Variants in SEC63 observed in about 807,000 individuals in gnomAD.
SEC63 encodes the protein translocation protein SEC63 homolog.
SEC63 carries 56 observed loss-of-function variants against 116.2 expected under a neutral mutation model. The observed-to-expected ratio is 0.48, with a 90% CI of 0.39 to 0.60. The LOEUF (loss-of-function observed/expected upper bound fraction) is 0.60. Ranked by LOEUF, SEC63 falls within the 20% of genes least tolerant of loss-of-function variation. SEC63 has a pLI of 0.00. For missense variants in SEC63, 668 were observed against 900.0 expected (o/e 0.74, Z 3.30); for synonymous variants, 273 against 294.6 (o/e 0.93, Z 0.75).
At chr6:107,890,157 T>C (rs940267609) in intron 16 of SEC63, among the ~76,000 whole-genome samples, 1 of 150,432 alleles carries the variant, frequency 6.6e-6, no homozygotes, top group African/African-American at 2.4e-5. Context: ...TGTCTAATAT[T>C]GACAGTGGGG....
At chr6:107,882,902 A>C in intron 17 of SEC63, 86 bp downstream of exon 17, 1 of 880,430 alleles carries the variant, frequency 1.1e-6, no homozygotes, top group Non-Finnish European at 1.8e-6. Context: ...GAGCAAGCAA[A>C]CAAATGAACA....
At chr6:107,955,010 T>C (rs1193570410) in intron 1 of SEC63, among the ~76,000 whole-genome samples, 1 of 152,226 alleles carries the variant, frequency 6.6e-6, no homozygotes, top group Non-Finnish European at 1.5e-5. Flanking sequence ...GAGAGCCGGA[T>C]GTAAAACGGG....
At chr6:107,904,173 A>G (rs1371483113) in intron 11 of SEC63, among the ~76,000 whole-genome samples, 1 of 151,124 alleles carries the variant, frequency 6.6e-6, no homozygotes, top group Non-Finnish European at 1.5e-5. Flanking sequence ...GGGCTTTGGG[A>G]GGCTGAGGCA....
intron 4 of SEC63, among the ~76,000 whole-genome samples, chr6:107,915,748 A>G (rs1787386496): frequency 6.6e-6 from 1 of 152,230 alleles, no homozygotes; most frequent in Non-Finnish European, 1.5e-5. Context: ...CAAAGCCTAT[A>G]TAACTGCATT....
chr6:107,936,322 G>A (rs995359329), intron 1 of SEC63, among the ~76,000 whole-genome samples: 1 of 152,198 alleles, frequency 6.6e-6, no homozygotes, highest in Non-Finnish European at 1.5e-5. Context: ...TAACATAGTA[G>A]CAGTTAGATT....
At position 107,898,735 on chromosome 6, in the gene SEC63, T is replaced by C. The variant is rs113192293; in HGVS notation, c.1358-1004A>G. 2.2e-3 allele frequency among the ~76,000 whole-genome samples: 334 copies of C among 152,294 alleles called. 3 individuals carry two copies. Among genetic ancestry groups the C allele is most frequent in the African/African-American group, 7.6e-3 (317 of 41,572 alleles). On this transcript the variant is annotated intron_variant, in intron 13 of 20. Transcript: ENST00000369002. ...AAATAAAAATAAAATAACTCAAATATACCTTCCATTCAAATGTGATCATTA... is the reference window on the plus strand; with the variant it reads ...AAATAAAAATAAAATAACTCAAATACACCTTCCATTCAAATGTGATCATTA...
chr6:107,946,567 G>A (rs910623429), intron 1 of SEC63, among the ~76,000 whole-genome samples: 8 of 152,202 alleles, frequency 5.3e-5, no homozygotes, highest in African/African-American at 1.9e-4. Context: ...ATGTTGTCCT[G>A]TAATTCCTAC....
At chr6:107,887,282 T>C (rs1786552895) in intron 16 of SEC63, among the ~76,000 whole-genome samples, 2 of 146,150 alleles carry the variant, frequency 1.4e-5, no homozygotes, top group Middle Eastern at 3.5e-3. Context: ...CATGCTGCTA[T>C]AAAGACACAT....
intron 1 of SEC63, among the ~76,000 whole-genome samples, chr6:107,933,363 C>T (rs1787853903): frequency 6.6e-6 from 1 of 152,172 alleles, no homozygotes; most frequent in Admixed American, 6.5e-5. Flanking sequence ...TAATTTGTTA[C>T]AGCAGCAACA....
At chr6:107,931,104 C>T (rs1036588170) in intron 1 of SEC63, among the ~76,000 whole-genome samples, 5 of 151,848 alleles carry the variant, frequency 3.3e-5, no homozygotes, top group South Asian at 2.1e-4. Flanking sequence ...CTGAGGCAGG[C>T]GGATCACGAG....
At chr6:107,957,696 G>A in intron 1 of SEC63, 190 bp downstream of exon 1, 2 of 431,270 alleles carry the variant, frequency 4.6e-6, no homozygotes, top group Non-Finnish European at 3.8e-6. Flanking sequence ...AATGAAGGGA[G>A]GTGGAGAAGC....
At chr6:107,946,129 G>A (rs958417459) in intron 1 of SEC63, among the ~76,000 whole-genome samples, 1 of 151,852 alleles carries the variant, frequency 6.6e-6, no homozygotes, top group South Asian at 2.1e-4. Context: ...TAAAGACGGG[G>A]TTTCACCATA....
At position 107,906,359 on chromosome 6, in the gene SEC63, CG is replaced by C; in HGVS notation, c.961+88del. On this transcript the variant is annotated intron_variant, in intron 10 of 20. Transcript: ENST00000369002. ...CCTCAGGTATTTCTTTAGAGCAATG[CG>C]AGAACAAACTAATACACACCATTAA... 4 of 1,396,236 alleles carry C rather than the reference CG, an allele frequency of 2.9e-6. No individual in the cohort carries two copies. In the South Asian group the frequency reaches 4.6e-5, roughly 16 times the overall value. The allele number at this position is 1,396,236 out of a possible 1,614,324, so 86.5% of individuals were successfully genotyped here. A position where few individuals can be genotyped will look rare whatever the true frequency, so the allele number is the denominator to read the frequency against.
intron 14 of SEC63, among the ~76,000 whole-genome samples, chr6:107,895,524 C>T (rs1234353892): frequency 6.6e-6 from 1 of 151,946 alleles, no homozygotes; most frequent in African/African-American, 2.4e-5. Context: ...ACCTGGCCAA[C>T]ACAGTGAGAC....
chr6:107,954,990 GC>G (rs1770682595), intron 1 of SEC63, among the ~76,000 whole-genome samples: 2 of 152,184 alleles, frequency 1.3e-5, no homozygotes, highest in South Asian at 4.1e-4. Flanking sequence ...ACTAAGGCAA[GC>G]CTGAAGCAGA....
chr6:107,884,873 G>A (rs1786492714), intron 16 of SEC63, among the ~76,000 whole-genome samples: 1 of 151,728 alleles, frequency 6.6e-6, no homozygotes, highest in South Asian at 2.1e-4. Context: ...GGAATGCAGG[G>A]ATGGTTTCAA....
chr6:107,910,884 C>G (rs1014253859), intron 7 of SEC63, among the ~76,000 whole-genome samples: 5 of 151,800 alleles, frequency 3.3e-5, no homozygotes, highest in African/African-American at 1.2e-4. Flanking sequence ...GCATGTCTGA[C>G]TAATTTTGTA....
At chr6:107,957,753 G>C (rs981427633) in intron 1 of SEC63, 133 bp downstream of exon 1, 67 of 971,764 alleles carry the variant, frequency 6.9e-5, no homozygotes, top group Non-Finnish European at 8.8e-5. Context: ...GGCGGACGCT[G>C]GACACAGGCC....
chr6:107,894,152 T>C (rs1786759546), intron 14 of SEC63, among the ~76,000 whole-genome samples: 1 of 152,222 alleles, frequency 6.6e-6, no homozygotes, highest in African/African-American at 2.4e-5. Context: ...ACAGTAAGGA[T>C]ACATACAGTA....
Sources: gnomAD v4.1 joint callset for allele counts (sites outside exome capture counted in the v4.1 genomes callset) on GRCh38, gnomAD v4.1.1 for gene constraint, MANE v1.5 for transcripts, NCBI Gene and HGNC (gene_info 2026-07-23, HGNC 2026-07-21) for gene names.